RNF111: variants seen among roughly 807,000 people sequenced by gnomAD.
RNF111 encodes the protein E3 ubiquitin-protein ligase Arkadia.
RNF111 carries 17 observed loss-of-function variants against 95.1 expected under a neutral mutation model. That is an observed-to-expected ratio of 0.18 (90% CI 0.12 to 0.27). RNF111 has a LOEUF of 0.27. Ranked by LOEUF, RNF111 falls within the 10% of genes least tolerant of loss-of-function variation. The probability of loss-of-function intolerance (pLI) is 1.00; values close to 1 mark genes in which losing one functional copy is unlikely to be tolerated. For synonymous variants in RNF111, 440 were observed against 414.8 expected, an observed-to-expected ratio of 1.06 and a Z score of -0.74; for missense variants, 1,189 against 1,210.4, an observed-to-expected ratio of 0.98 and a Z score of 0.26.
intron 5 of RNF111, among the ~76,000 whole-genome samples, chr15:59,059,321 C>G (rs2042335096): frequency 6.6e-6 from 1 of 152,114 alleles, no homozygotes; most frequent in Non-Finnish European, 1.5e-5. Flanking sequence ...TTTGCACCAA[C>G]TAGGGTGTCT....
At chr15:59,090,942 C>G in intron 11 of RNF111, 117 bp from the exon 12 acceptor site, 10 of 590,284 alleles carry the variant, frequency 1.7e-5, no homozygotes, top group South Asian at 2.7e-5. Flanking sequence ...TTTTTGAACA[C>G]TGTATTTATA....
intron 1 of RNF111, among the ~76,000 whole-genome samples, chr15:58,995,328 A>G (rs2141385649): frequency 6.6e-6 from 1 of 152,340 alleles, no homozygotes; most frequent in East Asian, 1.9e-4. Flanking sequence ...TGATTAATAC[A>G]GAATTGTGTG....
intron 10 of RNF111, among the ~76,000 whole-genome samples, chr15:59,086,005 G>A (rs2078888536): frequency 6.6e-6 from 1 of 152,158 alleles, no homozygotes; most frequent in Non-Finnish European, 1.5e-5. Flanking sequence ...TGACAAAAAA[G>A]TGTGGGGTTT....
At chr15:59,019,113 T>A (rs2040209944) in intron 1 of RNF111, among the ~76,000 whole-genome samples, 1 of 150,456 alleles carries the variant, frequency 6.6e-6, no homozygotes, top group African/African-American at 2.4e-5. Context: ...GTATTTTTTT[T>A]TTTTTTTTTG....
chr15:59,029,634 C>T (rs998107600), intron 1 of RNF111, among the ~76,000 whole-genome samples: 5 of 152,180 alleles, frequency 3.3e-5, no homozygotes, highest in South Asian at 2.1e-4. Context: ...AAAATACTTG[C>T]TTACTAAACA....
At position 59,031,509 on chromosome 15, in the gene RNF111, A is replaced by G. The variant is rs2040905661; in HGVS notation, c.687A>G (p.Lys229=). Residue 229 remains lysine (K), a synonymous_variant, in exon 2 of 14, where the codon AAA becomes AAG. Coordinates refer to ENST00000348370, the MANE Select transcript of RNF111 (RefSeq NM_017610.8). The part of the protein sequence containing the change: ...NNSSQRTQKQ[K]ERILMQRKKR... ...CCTCACAGAGGACACAGAAACAAAA[A>G]GAGAGGATATTAATGCAGAGGAAGA... 6.2e-7 allele frequency: 1 copy of G among 1,614,092 alleles called. No homozygotes were observed. Among genetic ancestry groups the G allele is most frequent in the Admixed American group, 1.7e-5 (1 of 60,008 alleles).
chr15:59,048,768 A>G (rs985277974), intron 2 of RNF111, among the ~76,000 whole-genome samples: 1 of 152,158 alleles, frequency 6.6e-6, no homozygotes, highest in African/African-American at 2.4e-5. Flanking sequence ...ACTATTTTTA[A>G]GCTTATTGTT....
intron 13 of RNF111, among the ~76,000 whole-genome samples, chr15:59,094,209 G>T (rs1342213338): frequency 6.6e-6 from 1 of 152,038 alleles, no homozygotes; most frequent in Non-Finnish European, 1.5e-5. Flanking sequence ...CGTGAAAAAA[G>T]TATTACTCAC....
At position 59,031,549 on chromosome 15, in the gene RNF111, G is replaced by A. The variant is rs1290317506; in HGVS notation, c.727G>A (p.Ala243Thr). ...LMQRKKREVL[A>T]RRKYALLPSS... is the part of the protein sequence containing the mutation. ...GCAGAGGAAGAAACGAGAAGTGTTAGCTCGAAGAAAATATGCCTTGCTACC... is the reference window on the plus strand; with the variant it reads ...GCAGAGGAAGAAACGAGAAGTGTTAACTCGAAGAAAATATGCCTTGCTACC... Residue 243 changes from alanine to threonine, a missense_variant, in exon 2 of 14, where the codon GCT becomes ACT. Coordinates refer to ENST00000348370, the MANE Select transcript of RNF111 (RefSeq NM_017610.8). 1 of 1,614,210 alleles carries A rather than the reference G, an allele frequency of 6.2e-7. No individual in the cohort carries two copies. The highest frequency in any genetic ancestry group is 2.2e-5 in the East Asian group (1 of 44,884).
At chr15:58,993,038 C>T (rs1009891319) in intron 1 of RNF111, among the ~76,000 whole-genome samples, 1 of 150,916 alleles carries the variant, frequency 6.6e-6, no homozygotes, top group African/African-American at 2.4e-5. Context: ...GGCATGGTGG[C>T]GGGTGCTTGT....
At chr15:59,047,436 A>G (rs544113853) in intron 2 of RNF111, among the ~76,000 whole-genome samples, 2 of 152,298 alleles carry the variant, frequency 1.3e-5, no homozygotes, top group South Asian at 4.1e-4. Flanking sequence ...TCAAGGCTGC[A>G]GTGAGCTATT....
chr15:59,030,354 G>A (rs537400211), intron 1 of RNF111, among the ~76,000 whole-genome samples: 6 of 152,258 alleles, frequency 3.9e-5, no homozygotes, highest in African/African-American at 1.4e-4. Flanking sequence ...TAACCATCTA[G>A]ATGTACAGAA....
At chr15:59,080,872 T>C in intron 7 of RNF111, 64 bp from the exon 8 acceptor site, 1 of 1,221,856 alleles carries the variant, frequency 8.2e-7, no homozygotes, top group South Asian at 1.4e-5. Flanking sequence ...TAGGAATGTA[T>C]AATAGCAATA....
chr15:59,036,472 G>A (rs1238151595), intron 2 of RNF111, among the ~76,000 whole-genome samples: 2 of 152,124 alleles, frequency 1.3e-5, no homozygotes, highest in East Asian at 3.8e-4. Flanking sequence ...ATCTTACATG[G>A]CAGCAGGCAA....
At chr15:59,062,070 T>TC (rs1555396794) in intron 5 of RNF111, among the ~76,000 whole-genome samples, 1 of 147,548 alleles carries the variant, frequency 6.8e-6, no homozygotes, top group East Asian at 1.9e-4. Context: ...TTTTTTTTTT[T>TC]CCCCGAGACA....
intron 3 of RNF111, 114 bp downstream of exon 3, chr15:59,052,545 A>T: frequency 1.0e-5 from 6 of 578,826 alleles, no homozygotes; most frequent in Non-Finnish European, 1.3e-5. Flanking sequence ...ACCCAGTTTG[A>T]GTATGCATAT....
rs982959669 is a variant in RNF111 at position 59,089,664 on chromosome 15, T to C, written c.2551-3T>C. The C allele has an allele frequency of 1.9e-6, 3 of 1,609,710 alleles. No individual in the cohort carries two copies. In the African/African-American group the frequency reaches 4.0e-5, roughly 22 times the overall value. On this transcript the variant is annotated splice_polypyrimidine_tract_variant and splice_region_variant and intron_variant, in intron 10 of 13. Coordinates refer to ENST00000348370, the MANE Select transcript of RNF111 (RefSeq NM_017610.8). Reference sequence around the variant, plus strand: ...ATTTAGCCTATCTCTTCTGTTGAAATAGGTTCCTGATATGGCAGGCTATCC... The same window carrying C: ...ATTTAGCCTATCTCTTCTGTTGAAACAGGTTCCTGATATGGCAGGCTATCC...
At chr15:59,067,189 C>T (rs1371454913) in intron 6 of RNF111, 106 bp downstream of exon 6, 3 of 983,562 alleles carry the variant, frequency 3.1e-6, no homozygotes, top group South Asian at 3.3e-5. Context: ...TGTCTCTCTC[C>T]CTCCCTCCAT....
chr15:59,069,129 A>G (rs1284573124), intron 6 of RNF111, among the ~76,000 whole-genome samples: 2 of 151,578 alleles, frequency 1.3e-5, no homozygotes, highest in Non-Finnish European at 2.9e-5. Context: ...AGCTGGTCCT[A>G]TCAAGAGGAA....
Sources: gnomAD v4.1 joint callset for allele counts (sites outside exome capture counted in the v4.1 genomes callset) on GRCh38, gnomAD v4.1.1 for gene constraint, MANE v1.5 for transcripts, NCBI Gene and HGNC (gene_info 2026-07-23, HGNC 2026-07-21) for gene names.